Variants in GABRA1 observed in about 807,000 individuals in gnomAD.
The protein encoded by GABRA1 is gamma-aminobutyric acid type A receptor subunit alpha1.
In GABRA1, 9 loss-of-function variants were observed where a neutral mutation model predicts 48.9. The ratio of observed to expected loss-of-function variants is 0.18; its 90% CI spans 0.11 to 0.32. The LOEUF (loss-of-function observed/expected upper bound fraction) is 0.32. Among genes scored for constraint, GABRA1 ranks in the 10% least tolerant of loss-of-function variants. GABRA1 has a pLI of 1.00. For synonymous variants in GABRA1, 210 were observed against 198.7 expected, an observed-to-expected ratio of 1.06 and a Z score of -0.48; for missense variants, 285 against 553.8, an observed-to-expected ratio of 0.51 and a Z score of 4.87.
intron 5 of GABRA1, 92 bp from the exon 6 acceptor site, chr5:161,875,468 T>C: frequency 4.0e-6 from 4 of 992,928 alleles, no homozygotes; most frequent in Non-Finnish European, 6.5e-6. Flanking sequence ...TCTTTGTTAA[T>C]ATATTTGCTA....
intron 1 of GABRA1, 106 bp downstream of exon 1, chr5:161,848,528 C>CGGGGGGGGG (rs1450654848): frequency 3.6e-4 from 2 of 5,508 alleles, no homozygotes; most frequent in Admixed American, 1.7e-3. Context: ...CGGGGGGAGA[C>CGGGGGGGGG]GGGGGGAGAG....
chr5:161,897,033 G>A (rs1581221426), intron 9 of GABRA1, 78 bp from the exon 10 acceptor site: 2 of 1,326,808 alleles, frequency 1.5e-6, no homozygotes, highest in Admixed American at 1.7e-5. Context: ...TGCAAAATAA[G>A]GGCCACCTTG....
intron 9 of GABRA1, among the ~76,000 whole-genome samples, chr5:161,896,090 C>G (rs1755354966): frequency 6.6e-6 from 1 of 152,100 alleles, no homozygotes; most frequent in Non-Finnish European, 1.5e-5. Flanking sequence ...AAAGGAGAGT[C>G]AGGAAGGCAA....
chr5:161,897,594 G>A lies in GABRA1; in HGVS notation c.*172G>A. ...CCCCTGTCTGGCAGTCTGGAGCAAA[G>A]CAGACTATGCAGCTTGGAGACAGGA... On this transcript the variant is annotated 3_prime_UTR_variant, in exon 10 of 10. Transcript: ENST00000393943. 1 of 649,268 alleles carries A rather than the reference G, an allele frequency of 1.5e-6. No homozygotes were observed. Among genetic ancestry groups the A allele is most frequent in the Non-Finnish European group, 2.6e-6 (1 of 380,414 alleles). The allele number at this position is 649,268 out of a possible 1,614,324, so 40.2% of individuals were successfully genotyped here. A position where few individuals can be genotyped will look rare whatever the true frequency, so the allele number is the denominator to read the frequency against.
At chr5:161,895,541 G>A in intron 8 of GABRA1, 125 bp from the exon 9 acceptor site, 1 of 850,712 alleles carries the variant, frequency 1.2e-6, no homozygotes, top group Non-Finnish European at 1.9e-6. Context: ...ACCAAAATAA[G>A]ATGGTCTAGA....
At chr5:161,878,119 T>C (rs1190026004) in intron 6 of GABRA1, among the ~76,000 whole-genome samples, 1 of 152,188 alleles carries the variant, frequency 6.6e-6, no homozygotes, top group Non-Finnish European at 1.5e-5. Context: ...AAATACACTG[T>C]AGGTTCTCAG....
rs1234066834 is a variant in GABRA1, at chr5:161,898,519, T to A, written c.*1097T>A. ...TCACTGCACTTAGCTGTTGGAATGT[T>A]GTTAAATGCTATGGAAATACATTTA... On this transcript the variant is annotated 3_prime_UTR_variant, in exon 10 of 10. Coordinates refer to ENST00000393943, the MANE Select transcript of GABRA1 (RefSeq NM_001127644.2). The A allele has an allele frequency of 6.6e-6, 1 of 152,362 alleles. No homozygotes were observed. The highest frequency in any genetic ancestry group is 2.4e-5 in the African/African-American group (1 of 41,480). 9.4% of individuals were successfully genotyped at this position (152,362 alleles called of 1,614,324 possible). A position where few individuals can be genotyped will look rare whatever the true frequency, so the allele number is the denominator to read the frequency against.
chr5:161,872,688 C>G (rs754869153), intron 4 of GABRA1, among the ~76,000 whole-genome samples: 1 of 152,016 alleles, frequency 6.6e-6, no homozygotes, highest in East Asian at 1.9e-4. Flanking sequence ...AATGAGAGGG[C>G]CCCCAAAACA....
chr5:161,882,631 T>C lies in GABRA1; in HGVS notation c.633T>C (p.Asp211=), dbSNP rs587780947. The change falls in exon 7 of 10, where the codon GAT becomes GAC. Residue 211 remains aspartate (D), a synonymous_variant. Coordinates refer to ENST00000393943, the MANE Select transcript of GABRA1 (RefSeq NM_001127644.2). ...EPARSVVVAE[D]GSRLNQYDLL... ...CACGCTCAGTGGTTGTAGCAGAAGA[T>C]GGATCACGTCTAAACCAGTATGACC... The C allele has an allele frequency of 6.5e-5, 105 of 1,613,694 alleles. No individual in the cohort carries two copies. The highest frequency in any genetic ancestry group is 8.6e-5 in the Non-Finnish European group (101 of 1,179,756).
At chr5:161,879,399 A>G (rs1754511072) in intron 6 of GABRA1, among the ~76,000 whole-genome samples, 1 of 152,182 alleles carries the variant, frequency 6.6e-6, no homozygotes, top group Non-Finnish European at 1.5e-5. Context: ...GAAATAAGCC[A>G]CCGTGCCCAG....
At chr5:161,870,504 T>C (rs1399606517) in intron 4 of GABRA1, among the ~76,000 whole-genome samples, 1 of 135,918 alleles carries the variant, frequency 7.4e-6, no homozygotes, top group Non-Finnish European at 1.6e-5. Flanking sequence ...GAGGTGGAGG[T>C]TGCAGTGAGC....
intron 8 of GABRA1, among the ~76,000 whole-genome samples, chr5:161,893,660 A>C (rs989961159): frequency 6.6e-6 from 1 of 152,196 alleles, no homozygotes; most frequent in Non-Finnish European, 1.5e-5. Context: ...CAGTGTGGTC[A>C]CTTAATTTTG....
intron 4 of GABRA1, among the ~76,000 whole-genome samples, chr5:161,872,484 T>A (rs1413141169): frequency 1.3e-5 from 2 of 151,982 alleles, no homozygotes; most frequent in African/African-American, 4.8e-5. Context: ...GTTCTTTTTC[T>A]TTTTGAAAAG....
intron 7 of GABRA1, among the ~76,000 whole-genome samples, chr5:161,885,377 G>T (rs1754798826): frequency 6.6e-6 from 1 of 152,214 alleles, no homozygotes; most frequent in South Asian, 2.1e-4. Flanking sequence ...TCCTGTTTCT[G>T]TCAGAAGACT....
intron 6 of GABRA1, among the ~76,000 whole-genome samples, chr5:161,876,199 A>G (rs187909276): frequency 9.2e-5 from 14 of 152,002 alleles, no homozygotes; most frequent in Admixed American, 3.9e-4. Flanking sequence ...ATATATATAT[A>G]TTAGTGCTCT....
intron 6 of GABRA1, among the ~76,000 whole-genome samples, chr5:161,879,293 G>A (rs1057472749): frequency 6.6e-6 from 1 of 152,010 alleles, no homozygotes; most frequent in Non-Finnish European, 1.5e-5. Flanking sequence ...ATAAATTTTT[G>A]TAGAGACAGA....
chr5:161,849,061 G>A (rs1443763426), intron 1 of GABRA1: 3 of 440,528 alleles, frequency 6.8e-6, no homozygotes, highest in East Asian at 7.9e-5. Context: ...TGTGTCTGGG[G>A]GAGGGGGAGG....
chr5:161,870,921 TGAAGATTAACCAGC>T (rs1435869315), intron 4 of GABRA1, among the ~76,000 whole-genome samples: 1 of 151,124 alleles, frequency 6.6e-6, no homozygotes, highest in African/African-American at 2.4e-5. Context: ...AAAATGGAAA[TGAAGATTAACCAGC>T]GAGTGTTGCT....
At chr5:161,853,982 A>G (rs1190684595) in intron 2 of GABRA1, among the ~76,000 whole-genome samples, 176 bp from the exon 3 acceptor site, 4 of 151,884 alleles carry the variant, frequency 2.6e-5, no homozygotes, top group African/African-American at 4.8e-5. Context: ...AATTAAAAAT[A>G]TAATTAAATG....
Sources: gnomAD v4.1 joint callset for allele counts (sites outside exome capture counted in the v4.1 genomes callset) on GRCh38, gnomAD v4.1.1 for gene constraint, MANE v1.5 for transcripts, NCBI Gene and HGNC (gene_info 2026-07-23, HGNC 2026-07-21) for gene names.